Variants in RBFOX1 observed in about 807,000 individuals in gnomAD.
RBFOX1 encodes RNA binding fox-1 homolog 1.
RBFOX1 carries 8 observed loss-of-function variants against 57.7 expected under a neutral mutation model. The ratio of observed to expected loss-of-function variants is 0.14; its 90% confidence interval spans 0.08 to 0.25. RBFOX1 has a LOEUF of 0.25. RBFOX1 is among the 10% of genes least tolerant of loss of function. The probability of loss-of-function intolerance (pLI) is 1.00; values close to 1 mark genes in which losing one functional copy is unlikely to be tolerated. For missense variants in RBFOX1, 611 were observed against 548.5 expected (o/e 1.11, Z -1.14); for synonymous variants, 326 against 222.4 (o/e 1.47, Z -4.15).
rs2095529187 is a variant in RBFOX1, at chr16:7,280,950, TACCTACCTCCC to T, written c.27+228853_27+228863del. 3.5e-3 allele frequency among the ~76,000 whole-genome samples: 412 copies of T among 117,910 alleles called. 8 individuals are homozygous for T. Among genetic ancestry groups the T allele is most frequent in the East Asian group, 0.02 (85 of 4,300 alleles). The allele number at this position is 117,910 out of a possible 152,430, so 77.4% of individuals were successfully genotyped here. Reference sequence around the variant, plus strand: ...CTTGAATCAATTGCATGTGATTCCCTACCTACCTCCCTCCCTCCCTCCCTCCCTCCCTCCCT... The same window carrying T: ...CTTGAATCAATTGCATGTGATTCCCTTCCCTCCCTCCCTCCCTCCCTCCCT... On this transcript the variant is annotated intron_variant, in intron 4 of 15. Transcript: ENST00000550418.
chr16:6,867,233 A>T lies in RBFOX1; in HGVS notation c.-15-184824A>T, dbSNP rs144000093. On this transcript the variant is annotated intron_variant, in intron 3 of 15. Transcript: ENST00000550418. Reference sequence around the variant, plus strand: ...ATAAGTCTTTCTGTAGGGGAAAAAAAAATACTTTTTTTCTTCCTTTTTTTT... The same window carrying T: ...ATAAGTCTTTCTGTAGGGGAAAAAATAATACTTTTTTTCTTCCTTTTTTTT... 5.8e-3 allele frequency among the ~76,000 whole-genome samples: 881 copies of T among 152,212 alleles called. 14 individuals carry two copies. Among genetic ancestry groups the T allele is most frequent in the African/African-American group, 0.02 (833 of 41,518 alleles).
chr16:5,640,975 CAT>C (rs1567334695), intron 3 of RBFOX1, among the ~76,000 whole-genome samples: 1 of 151,122 alleles, frequency 6.6e-6, no homozygotes, highest in Non-Finnish European at 1.5e-5. Context: ...CATGCACACA[CAT>C]ACATGCATAT....
intron 3 of RBFOX1, among the ~76,000 whole-genome samples, chr16:6,923,181 C>G (rs2074861058): frequency 6.6e-6 from 1 of 152,160 alleles, no homozygotes; most frequent in South Asian, 2.1e-4. Flanking sequence ...CTGGTCCCTG[C>G]TCCTGGTCTT....
intron 1 of RBFOX1, among the ~76,000 whole-genome samples, chr16:5,376,630 G>C (rs547434082): frequency 6.6e-6 from 1 of 152,162 alleles, no homozygotes; most frequent in African/African-American, 2.4e-5. Context: ...TAAGACGCTA[G>C]TGCAGCTGCT....
At position 5,854,847 on chromosome 16, in the gene RBFOX1, T is replaced by C. The variant is rs1048054257; in HGVS notation, c.319-12456T>C. Reference sequence around the variant, plus strand: ...TATCAATTTACATTCCCACCCACAATGTAGAAAGGTACCCTTTTCTCCGTA... The same window carrying C: ...TATCAATTTACATTCCCACCCACAACGTAGAAAGGTACCCTTTTCTCCGTA... On this transcript the variant is annotated intron_variant, in intron 3 of 19. Coordinates refer to the RBFOX1 transcript ENST00000641259. Among the ~76,000 whole-genome samples, 23 of 152,206 alleles carry C rather than the reference T, an allele frequency of 1.5e-4. 1 individual carries two copies. Among genetic ancestry groups the C allele is most frequent in the Non-Finnish European group, 2.8e-4 (19 of 68,036 alleles).
chr16:5,909,454 G>A (rs560483182), intron 4 of RBFOX1, among the ~76,000 whole-genome samples: 2 of 152,272 alleles, frequency 1.3e-5, no homozygotes, highest in South Asian at 2.1e-4. Context: ...ATAGATAAAA[G>A]GAGAGATGGT....
intron 4 of RBFOX1, among the ~76,000 whole-genome samples, chr16:5,916,178 G>A (rs1049799377): frequency 1.4e-5 from 2 of 147,606 alleles, no homozygotes; most frequent in Non-Finnish European, 3.0e-5. Context: ...TGTCTGAACT[G>A]TCTCCCTGAC....
Position 6,774,099 on chromosome 16 carries a change from T to C in RBFOX1, c.-16+119449T>C, listed in dbSNP as rs1439701132. 7.9e-6 allele frequency: 6 copies of C among 760,662 alleles called. No homozygotes were observed. In the African/African-American group the frequency reaches 9.5e-5, roughly 12 times the overall value. 47.1% of individuals were successfully genotyped at this position (760,662 alleles called of 1,614,324 possible). ...TTTCCTAGCTTTAAATTACCAAGAA[T>C]TGGACTTTTTGTAAAATACCAAGTT... On this transcript the variant is annotated intron_variant, in intron 3 of 15. Transcript: ENST00000550418.
At chr16:5,823,012 T>C (rs911847811) in intron 3 of RBFOX1, among the ~76,000 whole-genome samples, 1 of 152,122 alleles carries the variant, frequency 6.6e-6, no homozygotes, top group Non-Finnish European at 1.5e-5. Context: ...TGCTGTGTAG[T>C]AGATCTCAAG....
At chr16:7,051,427 C>G (rs1399776435) in intron 3 of RBFOX1, among the ~76,000 whole-genome samples, 1 of 152,234 alleles carries the variant, frequency 6.6e-6, no homozygotes, top group African/African-American at 2.4e-5. Flanking sequence ...ATAATTAATG[C>G]ATGGCATATG....
At chr16:5,266,999 C>T (rs1427490195) in intron 1 of RBFOX1, among the ~76,000 whole-genome samples, 1 of 151,852 alleles carries the variant, frequency 6.6e-6, no homozygotes. Flanking sequence ...AAGCTGATCA[C>T]CTTAATTTGA....
intron 4 of RBFOX1, among the ~76,000 whole-genome samples, chr16:5,872,074 G>A (rs891474225): frequency 5.3e-5 from 8 of 152,220 alleles, no homozygotes; most frequent in Admixed American, 2.6e-4. Flanking sequence ...TCGTTCTCAG[G>A]AAAATAAATT....
intron 1 of RBFOX1, among the ~76,000 whole-genome samples, chr16:6,043,097 G>A (rs915406737): frequency 1.2e-4 from 13 of 112,138 alleles, no homozygotes; most frequent in East Asian, 3.0e-4. Flanking sequence ...CAGCCTGGGC[G>A]ACAGAGCAAG....
At chr16:5,977,897 T>C (rs576139713) in intron 4 of RBFOX1, among the ~76,000 whole-genome samples, 1 of 152,148 alleles carries the variant, frequency 6.6e-6, no homozygotes, top group South Asian at 2.1e-4. Context: ...GACAGTTTTT[T>C]TGACTGTTCC....
intron 4 of RBFOX1, among the ~76,000 whole-genome samples, chr16:7,297,669 G>A (rs1407802374): frequency 1.3e-5 from 2 of 152,068 alleles, no homozygotes; most frequent in Non-Finnish European, 2.9e-5. Flanking sequence ...CGTGTAGCCT[G>A]GGGTCTTTAT....
intron 4 of RBFOX1, among the ~76,000 whole-genome samples, chr16:7,457,423 G>A (rs1189600058): frequency 1.3e-5 from 2 of 152,132 alleles, no homozygotes; most frequent in African/African-American, 4.8e-5. Context: ...CATTAGTGTT[G>A]CGTGGATTGA....
At position 7,398,289 on chromosome 16, in the gene RBFOX1, CACTT is replaced by C. The variant is rs543838543; in HGVS notation, c.28-119855_28-119852del. On this transcript the variant is annotated intron_variant, in intron 4 of 15. Transcript: ENST00000550418. ...TATGTTTTTCTTTCCCTCTGGGTGACACTTACAGGATGCTTAAGTTTGCTGGACC... is the reference window on the plus strand; with the variant it reads ...TATGTTTTTCTTTCCCTCTGGGTGACACAGGATGCTTAAGTTTGCTGGACC... Among the ~76,000 whole-genome samples the C allele has an allele frequency of 5.5e-3, 843 of 152,340 alleles. 9 individuals carry two copies. Among genetic ancestry groups the C allele is most frequent in the African/African-American group, 0.019 (798 of 41,580 alleles).
At chr16:6,183,471 C>A (rs2097081537) in intron 1 of RBFOX1, among the ~76,000 whole-genome samples, 2 of 136,836 alleles carry the variant, frequency 1.5e-5, no homozygotes, top group Non-Finnish European at 1.6e-5. Context: ...CAGAGCAAGG[C>A]TCCATCTAAA....
intron 2 of RBFOX1, among the ~76,000 whole-genome samples, chr16:6,479,107 T>C (rs1407242689): frequency 1.3e-5 from 2 of 152,206 alleles, no homozygotes; most frequent in South Asian, 2.1e-4. Flanking sequence ...TGTGTTTGTG[T>C]GTAAGCGTGT....
Sources: gnomAD v4.1 joint callset for allele counts (sites outside exome capture counted in the v4.1 genomes callset) on GRCh38, gnomAD v4.1.1 for gene constraint, MANE v1.5 for transcripts, NCBI Gene and HGNC (gene_info 2026-07-23, HGNC 2026-07-21) for gene names.